The following POU3F3 variants were observed in gnomAD, a reference collection of about 807,000 sequenced individuals.
POU3F3 encodes the protein POU domain, class 3, transcription factor 3.
Under a neutral mutation model 8.6 loss-of-function variants are expected in POU3F3, and 1 was observed. The observed-to-expected ratio is 0.12, with a 90% CI of 0.04 to 0.55. The LOEUF (loss-of-function observed/expected upper bound fraction) is 0.55. POU3F3 is among the 20% of genes least tolerant of loss of function. The pLI, the probability that POU3F3 is intolerant of heterozygous loss-of-function variation, is 0.91. For missense variants in POU3F3, 577 were observed against 690.7 expected, an observed-to-expected ratio of 0.84 and a Z score of 1.84; for synonymous variants, 418 against 327.4, an observed-to-expected ratio of 1.28 and a Z score of -2.99.
At chr2:104,924,610 C>T in the POU3F3 span, among the ~76,000 whole-genome samples, 9 of 152,174 alleles carry the variant, frequency 5.9e-5, no homozygotes, top group Non-Finnish European at 1.2e-4. Context: ...AAATAATTGT[C>T]GATCCTTCTC....
At chr2:104,918,826 G>A in the POU3F3 span, among the ~76,000 whole-genome samples, 2,646 of 151,528 alleles carry the variant, frequency 0.017, 76 homozygotes, top group African/African-American at 0.061. Flanking sequence ...CTCCTGCCCC[G>A]ATCTGCAAAG....
the POU3F3 span, among the ~76,000 whole-genome samples, chr2:104,899,222 C>T: frequency 6.6e-6 from 1 of 152,208 alleles, no homozygotes; most frequent in Admixed American, 6.5e-5. Flanking sequence ...GTTGTGTGTG[C>T]CTGCTGTGCC....
chr2:104,919,228 C>T, the POU3F3 span, among the ~76,000 whole-genome samples: 1 of 152,204 alleles, frequency 6.6e-6, no homozygotes, highest in Non-Finnish European at 1.5e-5. Flanking sequence ...GCTGTGTGTG[C>T]ATGCACATTA....
chr2:104,890,261 C>T, the POU3F3 span, among the ~76,000 whole-genome samples: 2 of 152,262 alleles, frequency 1.3e-5, no homozygotes, highest in South Asian at 2.1e-4. Context: ...CTGTGAGGTG[C>T]AGAGCCTGTT....
the POU3F3 span, among the ~76,000 whole-genome samples, chr2:104,888,762 G>T: frequency 1.3e-5 from 2 of 152,088 alleles, no homozygotes; most frequent in Admixed American, 1.3e-4. Flanking sequence ...CCAATTTGGG[G>T]TTTGTATTTA....
upstream of POU3F3, chr2:104,853,840 T>A (rs540457965): frequency 1.3e-5 from 2 of 149,052 alleles, no homozygotes; most frequent in Non-Finnish European, 1.5e-5. Context: ...AGAGTTAAGA[T>A]GTGGCGGAGG....
At chr2:104,911,018 G>A in the POU3F3 span, among the ~76,000 whole-genome samples, 1 of 152,068 alleles carries the variant, frequency 6.6e-6, no homozygotes, top group African/African-American at 2.4e-5. Context: ...ATATACATAT[G>A]GCCATTTTAT....
chr2:104,889,063 C>T, the POU3F3 span, among the ~76,000 whole-genome samples: 1 of 152,224 alleles, frequency 6.6e-6, no homozygotes, highest in East Asian at 1.9e-4. Context: ...GTAGAAGGCC[C>T]ACCTCCTTAG....
At chr2:104,903,388 G>T in the POU3F3 span, among the ~76,000 whole-genome samples, 2 of 152,192 alleles carry the variant, frequency 1.3e-5, no homozygotes, top group Admixed American at 6.5e-5. Context: ...ATTATAATGA[G>T]AATCTGAATT....
the POU3F3 span, among the ~76,000 whole-genome samples, chr2:104,925,021 T>C: frequency 6.4e-4 from 97 of 152,336 alleles, no homozygotes; most frequent in Admixed American, 1.0e-3. Context: ...TCAGTGCAAT[T>C]TAAAGAATTT....
chr2:104,891,061 T>C, the POU3F3 span, among the ~76,000 whole-genome samples: 1 of 152,156 alleles, frequency 6.6e-6, no homozygotes, highest in African/African-American at 2.4e-5. Flanking sequence ...TTCCTATCTG[T>C]AAGCTGGAGA....
At chr2:104,899,372 C>G in the POU3F3 span, among the ~76,000 whole-genome samples, 1 of 152,112 alleles carries the variant, frequency 6.6e-6, no homozygotes, top group East Asian at 1.9e-4. Context: ...AAAAGAGACC[C>G]ATTTTTCTCC....
chr2:104,894,802 C>T, the POU3F3 span, among the ~76,000 whole-genome samples: 2 of 152,234 alleles, frequency 1.3e-5, no homozygotes, highest in African/African-American at 4.8e-5. Context: ...TGGTCTTCCT[C>T]CTGCATTGTT....
chr2:104,920,883 C>A, the POU3F3 span, among the ~76,000 whole-genome samples: 5 of 152,270 alleles, frequency 3.3e-5, no homozygotes, highest in East Asian at 9.7e-4. Flanking sequence ...GTTACAATCT[C>A]TAAGGTGTTA....
rs1235220040 is a variant in POU3F3, at chr2:104,855,587, C to A, written c.77C>A (p.Ala26Glu). 1.1e-6 allele frequency: 1 copy of A among 944,592 alleles called. No individual in the cohort carries two copies. The highest frequency in any genetic ancestry group is 1.2e-6 in the Non-Finnish European group (1 of 819,534). The allele number at this position is 944,592 out of a possible 1,614,324, so 58.5% of individuals were successfully genotyped here. The change falls in exon 1 of 1, where the codon GCG becomes GAG. Residue 26 changes from alanine to glutamate, a missense_variant. By Grantham distance (107) the Ala-to-Glu change is moderately radical. Around this residue, in one of 7 missense-constraint regions of POU3F3, gnomAD observed 484 missense variants for 422.6 expected, o/e 1.15. Coordinates refer to ENST00000361360, the MANE Select transcript of POU3F3 (RefSeq NM_006236.3). ...GCCGGCTCTATTGTGCACTCGGACG[C>A]GGCAGGGGCTGGCGGCGGCGGGGGT... is the stretch of plus-strand genomic sequence containing the variant. ...LAAGSIVHSDAAGAGGGGGGG... is the reference protein window; with the variant it reads ...LAAGSIVHSDEAGAGGGGGGG...
the POU3F3 span, among the ~76,000 whole-genome samples, chr2:104,913,869 A>G: frequency 6.9e-4 from 105 of 151,884 alleles, no homozygotes; most frequent in Admixed American, 1.8e-3. Context: ...TTGATTATCT[A>G]TCATTAAAAC....
the POU3F3 span, among the ~76,000 whole-genome samples, chr2:104,873,884 C>A: frequency 1.3e-5 from 2 of 152,210 alleles, no homozygotes; most frequent in Non-Finnish European, 2.9e-5. Flanking sequence ...TGCCTTCGGG[C>A]GTTCCCTAAG....
At chr2:104,890,203 G>C in the POU3F3 span, among the ~76,000 whole-genome samples, 3 of 152,198 alleles carry the variant, frequency 2.0e-5, no homozygotes, top group African/African-American at 7.2e-5. Context: ...TTTGCAGTGG[G>C]GAGGAGCCTG....
At chr2:104,927,560 C>G in the POU3F3 span, among the ~76,000 whole-genome samples, 1 of 151,884 alleles carries the variant, frequency 6.6e-6, no homozygotes, top group African/African-American at 2.4e-5. Flanking sequence ...TTCGAGATCA[C>G]GCTGGGCAAC....
Sources: allele counts gnomAD v4.1 joint callset (sites outside exome capture counted in the v4.1 genomes callset), GRCh38; gene constraint gnomAD v4.1.1; regional missense constraint gnomAD v4.1.1; transcripts MANE v1.5; gene names NCBI Gene and HGNC (gene_info 2026-07-23, HGNC 2026-07-21).